Variants in PLEKHG1 observed in about 807,000 individuals in gnomAD.
PLEKHG1 encodes the protein pleckstrin homology domain-containing family G member 1.
PLEKHG1 carries 44 observed loss-of-function variants against 100.8 expected under a neutral mutation model. The ratio of observed to expected loss-of-function variants is 0.44; its 90% CI spans 0.34 to 0.56. The LOEUF is 0.56. PLEKHG1 is among the 20% of genes least tolerant of loss of function. PLEKHG1 has a pLI of 0.01. For synonymous variants in PLEKHG1, 640 were observed against 662.5 expected (o/e 0.97, Z 0.52); for missense variants, 1,545 against 1,720.9 (o/e 0.90, Z 1.81).
At chr6:150,780,554 C>T (rs1785252927) in intron 3 of PLEKHG1, among the ~76,000 whole-genome samples, 1 of 151,828 alleles carries the variant, frequency 6.6e-6, no homozygotes, top group Non-Finnish European at 1.5e-5. Context: ...TAGCATTTAC[C>T]CCGAGATAAC....
At chr6:150,811,650 A>G (rs1256011757) in intron 10 of PLEKHG1, among the ~76,000 whole-genome samples, 3 of 148,352 alleles carry the variant, frequency 2.0e-5, no homozygotes, top group Non-Finnish European at 3.0e-5. Flanking sequence ...AAAAAAAAAA[A>G]GAGAGAATGT....
chr6:150,830,965 C>G (rs773879543), exon 15 of PLEKHG1: 1 of 1,613,820 alleles, frequency 6.2e-7, no homozygotes, highest in Non-Finnish European at 8.5e-7. Flanking sequence ...GCAACACATG[C>G]CCTCCTGAAA....
chr6:150,612,440 C>A (rs1029815643), intron 1 of PLEKHG1, among the ~76,000 whole-genome samples: 3 of 152,140 alleles, frequency 2.0e-5, no homozygotes, highest in African/African-American at 2.4e-5. Flanking sequence ...TCCGGCAATT[C>A]TCCTGCCTCA....
intron 2 of PLEKHG1, among the ~76,000 whole-genome samples, chr6:150,764,036 G>A (rs554616377): frequency 1.3e-5 from 2 of 151,898 alleles, no homozygotes; most frequent in South Asian, 4.2e-4. Flanking sequence ...TTAGGAGTTG[G>A]TCTGCACATA....
At chr6:150,767,701 C>G (rs1266131216) in intron 2 of PLEKHG1, among the ~76,000 whole-genome samples, 1 of 152,214 alleles carries the variant, frequency 6.6e-6, no homozygotes, top group Non-Finnish European at 1.5e-5. Context: ...GGCTGCGGTG[C>G]TGGGATTTTC....
intron 3 of PLEKHG1, among the ~76,000 whole-genome samples, chr6:150,703,493 C>T (rs918064175): frequency 9.2e-5 from 14 of 151,424 alleles, no homozygotes; most frequent in African/African-American, 2.9e-4. Flanking sequence ...CCTAGCTACT[C>T]GTGAGGCTGA....
chr6:150,763,092 A>G (rs1387760943), intron 2 of PLEKHG1, among the ~76,000 whole-genome samples: 3 of 139,798 alleles, frequency 2.1e-5, no homozygotes, highest in Non-Finnish European at 4.5e-5. Context: ...CAATGGCACA[A>G]TCTCAACTCA....
intron 6 of PLEKHG1, 95 bp downstream of exon 7, chr6:150,800,964 A>G (rs1786666404): frequency 2.1e-6 from 2 of 946,096 alleles, no homozygotes; most frequent in East Asian, 4.9e-5. Context: ...TGCTATGGAC[A>G]TATGGAAACA....
intron 3 of PLEKHG1, among the ~76,000 whole-genome samples, chr6:150,666,799 C>A (rs185890003): frequency 4.7e-5 from 7 of 149,836 alleles, no homozygotes; most frequent in African/African-American, 1.7e-4. Flanking sequence ...CTCACTCTGT[C>A]GCCCAGGCTG....
At chr6:150,621,667 G>A (rs755613550) in intron 1 of PLEKHG1, among the ~76,000 whole-genome samples, 2 of 152,184 alleles carry the variant, frequency 1.3e-5, no homozygotes, top group Non-Finnish European at 2.9e-5. Context: ...GAGCCACCAT[G>A]CCTGGCTGGC....
At chr6:150,786,356 A>G (rs1785622312) in intron 3 of PLEKHG1, 34 bp from the exon 5 acceptor site, 2 of 1,426,494 alleles carry the variant, frequency 1.4e-6, no homozygotes, top group Non-Finnish European at 9.9e-7. Context: ...GAAGACTACA[A>G]TCTAATACTT....
chr6:150,841,351 G>A (rs1777524779), exon 16 of PLEKHG1: 1 of 220,906 alleles, frequency 4.5e-6, no homozygotes, highest in East Asian at 1.3e-4. Flanking sequence ...TCACATTTTG[G>A]TTATATTTGT....
chr6:150,642,623 C>T (rs1030029746), intron 2 of PLEKHG1, among the ~76,000 whole-genome samples: 2 of 152,250 alleles, frequency 1.3e-5, no homozygotes, highest in African/African-American at 4.8e-5. Flanking sequence ...AGCCATCCCA[C>T]TGGCTAAAGG....
At chr6:150,799,582 A>G (rs1786567354) in intron 5 of PLEKHG1, among the ~76,000 whole-genome samples, 1 of 152,224 alleles carries the variant, frequency 6.6e-6, no homozygotes, top group Non-Finnish European at 1.5e-5. Flanking sequence ...AGGGCTACAG[A>G]GCAGCCGATT....
At chr6:150,629,702 G>A (rs565696299) in intron 1 of PLEKHG1, among the ~76,000 whole-genome samples, 11 of 152,076 alleles carry the variant, frequency 7.2e-5, no homozygotes, top group African/African-American at 1.9e-4. Flanking sequence ...CTCATGATCC[G>A]CCTGCCTCGG....
Position 150,600,652 on chromosome 6 carries a change from G to A in PLEKHG1, c.-204+635G>A, listed in dbSNP as rs993494641. ...TGGCTCTTCCGTCACGGGGTAAACG[G>A]TAACACCTGGGCGGCCGCGACTCTG... is the stretch of plus-strand genomic sequence containing the variant. On this transcript the variant is annotated intron_variant, in intron 1 of 3. Transcript: ENST00000367326. The surrounding 1 kb of genome is among the most constrained non-coding windows in gnomAD (Gnocchi z 6.2). 6.6e-6 allele frequency among the ~76,000 whole-genome samples: 1 copy of A among 152,218 alleles called. No individual in the cohort carries two copies. The highest frequency in any genetic ancestry group is 1.5e-5 in the Non-Finnish European group (1 of 68,034).
chr6:150,709,460 A>G (rs1781162830), intron 3 of PLEKHG1, among the ~76,000 whole-genome samples: 1 of 152,210 alleles, frequency 6.6e-6, no homozygotes, highest in African/African-American at 2.4e-5. Flanking sequence ...ACAATTCTAA[A>G]GTTATTTGAG....
intron 2 of PLEKHG1, among the ~76,000 whole-genome samples, chr6:150,763,305 A>T (rs1156948540): frequency 1.3e-5 from 2 of 152,056 alleles, no homozygotes; most frequent in African/African-American, 2.4e-5. Flanking sequence ...TGTGGGGATT[A>T]CAGGTGTGAG....
intron 3 of PLEKHG1, among the ~76,000 whole-genome samples, chr6:150,692,776 G>A (rs1466022639): frequency 1.3e-5 from 2 of 152,180 alleles, no homozygotes. Flanking sequence ...CACACTTTCA[G>A]TCTCTTTTAA....
Sources: allele counts gnomAD v4.1 joint callset (sites outside exome capture counted in the v4.1 genomes callset), GRCh38; gene constraint gnomAD v4.1.1; non-coding constraint Gnocchi (gnomAD v3.1); transcripts MANE v1.5; gene names NCBI Gene and HGNC (gene_info 2026-07-23, HGNC 2026-07-21).